The following TCOF1 variants were observed in gnomAD, a reference collection of about 807,000 sequenced individuals.
TCOF1 encodes treacle protein.
A neutral mutation model predicts 149.0 loss-of-function variants in TCOF1; 33 were observed. The ratio of observed to expected loss-of-function variants is 0.22; its 90% CI spans 0.17 to 0.30. The LOEUF (loss-of-function observed/expected upper bound fraction) is 0.30, where lower values mean the gene tolerates loss of function less well. Among genes scored for constraint, TCOF1 ranks in the 10% least tolerant of loss-of-function variants. The pLI, the probability that TCOF1 is intolerant of heterozygous loss-of-function variation, is 1.00. For synonymous variants in TCOF1, 789 were observed against 738.8 expected, an observed-to-expected ratio of 1.07 and a Z score of -1.10; for missense variants, 1,728 against 1,840.7, an observed-to-expected ratio of 0.94 and a Z score of 1.12.
intron 17 of TCOF1, chr5:150,380,083 A>G (rs1764759606): frequency 1.9e-5 from 5 of 266,500 alleles, no homozygotes; most frequent in South Asian, 8.1e-5. Flanking sequence ...AAAAAAAAAA[A>G]AAGAAAAAAA....
chr5:150,373,601 G>A (rs1030678878), intron 7 of TCOF1, among the ~76,000 whole-genome samples: 14 of 152,214 alleles, frequency 9.2e-5, no homozygotes, highest in Non-Finnish European at 2.1e-4. Flanking sequence ...TGAAGAGGGG[G>A]CCAGGTGTGC....
At chr5:150,391,774 C>A in intron 20 of TCOF1, 117 bp downstream of exon 20, 1 of 1,236,798 alleles carries the variant, frequency 8.1e-7, no homozygotes, top group Non-Finnish European at 1.2e-6. Flanking sequence ...GTTTGCCTCC[C>A]TCGGCCTCAG....
intron 6 of TCOF1, among the ~76,000 whole-genome samples, chr5:150,370,219 A>G (rs1290938340): frequency 6.6e-6 from 1 of 152,192 alleles, no homozygotes; most frequent in Non-Finnish European, 1.5e-5. Context: ...CGTCCCTCAG[A>G]TATTTAATTG....
Position 150,396,327 on chromosome 5 carries a change from A to G in TCOF1, c.3830A>G (p.Lys1277Arg). ...GGCACCACACCTCAGAAGTCCCGGA[A>G]GCCCAAGAAAGGGGCTGGGAACCCC... The part of the protein sequence containing the change: ...ASGTTPQKSR[K>R]PKKGAGNPQA... The change falls in exon 24 of 27, where the codon AAG becomes AGG. Residue 1277 changes from lysine to arginine, a missense_variant. Transcript: ENST00000643257. 6.2e-7 allele frequency: 1 copy of G among 1,613,966 alleles called. No individual in the cohort carries two copies. The highest frequency in any genetic ancestry group is 8.5e-7 in the Non-Finnish European group (1 of 1,180,034).
chr5:150,396,991 C>T, intron 24 of TCOF1, 149 bp downstream of exon 24: 1 of 962,922 alleles, frequency 1.0e-6, no homozygotes, highest in Non-Finnish European at 1.5e-6. Flanking sequence ...AACCCCGTCT[C>T]TACTAAAAAT....
intron 17 of TCOF1, chr5:150,384,864 G>A (rs1765956963): frequency 2.0e-6 from 2 of 985,422 alleles, no homozygotes; most frequent in Non-Finnish European, 2.4e-6. Context: ...CTATTGACAA[G>A]TTTCAGTCTG....
At chr5:150,368,132 G>T (rs1761752468) in intron 4 of TCOF1, 3 of 552,610 alleles carry the variant, frequency 5.4e-6, no homozygotes, top group South Asian at 4.1e-5. Context: ...TGCTGCAGTG[G>T]GCCACTGGGC....
chr5:150,398,297 A>AC lies in TCOF1; in HGVS notation c.4346-53dup. The AC allele has an allele frequency of 1.9e-6, 3 of 1,609,152 alleles. No homozygotes were observed. In the South Asian group the frequency reaches 3.3e-5, roughly 18 times the overall value. Reference sequence around the variant, plus strand: ...CTGCCCTGTGCACCTCCCAACATTGACCCCAGCACTTAGGATTACCATCTG... The same window carrying AC: ...CTGCCCTGTGCACCTCCCAACATTGACCCCCAGCACTTAGGATTACCATCTG... On this transcript the variant is annotated intron_variant, in intron 24 of 26. Coordinates refer to ENST00000643257, the MANE Select transcript of TCOF1 (RefSeq NM_001371623.1).
chr5:150,358,041 T>A (rs1216554876), intron 1 of TCOF1, among the ~76,000 whole-genome samples, 187 bp downstream of exon 1: 1 of 152,224 alleles, frequency 6.6e-6, no homozygotes, highest in African/African-American at 2.4e-5. Context: ...TCAGTTCCCC[T>A]GGGCCTCACT....
Position 150,379,414 on chromosome 5 carries a change from G to A in TCOF1, c.2658+6G>A, listed in dbSNP as rs1474241801. The A allele has an allele frequency of 1.2e-6, 2 of 1,613,778 alleles. No homozygotes were observed. The highest frequency in any genetic ancestry group is 1.7e-6 in the Non-Finnish European group (2 of 1,179,940). ...AGGCGGAGACGCTGGCTCAGGTGAGGGGGAGGGAATGGAGATCATCCCCTA... is the reference window on the plus strand; with the variant it reads ...AGGCGGAGACGCTGGCTCAGGTGAGAGGGAGGGAATGGAGATCATCCCCTA... On this transcript the variant is annotated splice_donor_region_variant and intron_variant, in intron 16 of 26. Transcript: ENST00000643257.
chr5:150,369,163 T>C (rs1170548678), intron 5 of TCOF1, among the ~76,000 whole-genome samples: 1 of 152,222 alleles, frequency 6.6e-6, no homozygotes, highest in Non-Finnish European at 1.5e-5. Flanking sequence ...CAGGGACAAC[T>C]GGCAGCTCAG....
chr5:150,373,467 C>G lies in TCOF1; in HGVS notation c.871-707C>G, dbSNP rs77555559. On this transcript the variant is annotated intron_variant, in intron 7 of 26. Coordinates refer to ENST00000643257, the MANE Select transcript of TCOF1 (RefSeq NM_001371623.1). ...CTGCATGAGAAGCTTCTTAGAAGAT[C>G]AGAGCTGCTGTTTTCTAGGGTTGTT... Among the ~76,000 whole-genome samples the G allele has an allele frequency of 5.2e-4, 79 of 152,334 alleles. 1 individual carries two copies. The East Asian group carries it at 0.014, about 26-fold the overall frequency.
chr5:150,377,353 C>T (rs1764040284), intron 14 of TCOF1, among the ~76,000 whole-genome samples: 1 of 152,164 alleles, frequency 6.6e-6, no homozygotes, highest in South Asian at 2.1e-4. Context: ...ATCTCACCTG[C>T]TACACCCAGC....
At chr5:150,368,231 T>C (rs529872905) in intron 4 of TCOF1, 1 of 413,776 alleles carries the variant, frequency 2.4e-6, no homozygotes, top group East Asian at 5.1e-5. Context: ...ATACCTGTTA[T>C]GTTCCAGGCA....
rs773829651 is a variant in TCOF1, at chr5:150,391,957, G to A, written c.3298G>A (p.Val1100Ile). 22 of 1,613,970 alleles carry A rather than the reference G, an allele frequency of 1.4e-5. No homozygotes were observed. The highest frequency in any genetic ancestry group is 2.7e-5 in the African/African-American group (2 of 74,898). Reference sequence around the variant, plus strand: ...ATTCCTTCTCCTTTCACCGAATTAGGTTGACAGTGCTGTGGGAACACTCCC... The same window carrying A: ...ATTCCTTCTCCTTTCACCGAATTAGATTGACAGTGCTGTGGGAACACTCCC... The part of the protein sequence containing the change: ...PVARTQPSSG[V>I]DSAVGTLPAT... The change falls in exon 21 of 27, where the codon GTT becomes ATT. Residue 1100 changes from valine (V) to isoleucine (I), a missense_variant and splice_region_variant. Physicochemically the swap from Val to Ile is conservative, Grantham distance 29 (BLOSUM62 3). This residue lies in a region of TCOF1 where 1,696 missense variants were observed against 1,765.4 expected (regional missense o/e 0.96). Transcript: ENST00000643257.
At position 150,371,711 on chromosome 5, in the gene TCOF1, G is replaced by A. The variant is rs537995974; in HGVS notation, c.640-295G>A. On this transcript the variant is annotated intron_variant, in intron 6 of 26. Coordinates refer to ENST00000643257, the MANE Select transcript of TCOF1 (RefSeq NM_001371623.1). ...CAAGCCCTTCTCTCAGGCCAAGCCC[G>A]GTGTGTGCCAGGTGGGAGATGAACG... 7.2e-5 allele frequency among the ~76,000 whole-genome samples: 11 copies of A among 152,264 alleles called. No homozygotes were observed. The East Asian group carries it at 1.7e-3, about 24-fold the overall frequency.
chr5:150,361,948 G>T (rs954618282), intron 2 of TCOF1, among the ~76,000 whole-genome samples: 1 of 152,118 alleles, frequency 6.6e-6, no homozygotes, highest in African/African-American at 2.4e-5. Flanking sequence ...CCATGGTAGG[G>T]TGAAAAAGTG....
chr5:150,394,460 A>C (rs1768029231), intron 23 of TCOF1: 1 of 152,288 alleles, frequency 6.6e-6, no homozygotes, highest in African/African-American at 2.4e-5. Context: ...AAATAGTCAC[A>C]TTGTATTTGG....
At chr5:150,377,996 G>A (rs1764205453) in intron 14 of TCOF1, among the ~76,000 whole-genome samples, 1 of 152,190 alleles carries the variant, frequency 6.6e-6, no homozygotes, top group Non-Finnish European at 1.5e-5. Context: ...GGTCAAGTCA[G>A]TCTTGTGTCT....
Sources: gnomAD v4.1 joint callset for allele counts (sites outside exome capture counted in the v4.1 genomes callset) on GRCh38, gnomAD v4.1.1 for gene constraint, gnomAD v4.1.1 regional missense constraint, MANE v1.5 for transcripts, NCBI Gene and HGNC (gene_info 2026-07-23, HGNC 2026-07-21) for gene names.